The following GALNT13 variants were observed in gnomAD, a reference collection of about 807,000 sequenced individuals.
GALNT13 encodes the protein UDP-GalNAc:polypeptide N-acetylgalactosaminyltransferase 13.
Under a neutral mutation model 64.2 loss-of-function variants are expected in GALNT13, and 28 were observed. The ratio of observed to expected loss-of-function variants is 0.44; its 90% CI spans 0.32 to 0.60. The LOEUF is 0.60. GALNT13 is among the 20% of genes least tolerant of loss of function. GALNT13 has a pLI of 0.05. For synonymous variants in GALNT13, 214 were observed against 224.6 expected (o/e 0.95, Z 0.42); for missense variants, 577 against 669.8 (o/e 0.86, Z 1.53).
chr2:153,476,016 A>G, the GALNT13 span, among the ~76,000 whole-genome samples: 6 of 152,308 alleles, frequency 3.9e-5, no homozygotes, highest in South Asian at 1.2e-3. Context: ...CCTATTGACT[A>G]TCTCTTGACC....
chr2:153,852,360 C>G, the GALNT13 span, among the ~76,000 whole-genome samples: 1 of 151,926 alleles, frequency 6.6e-6, no homozygotes, highest in African/African-American at 2.4e-5. Flanking sequence ...AGTGGATTAC[C>G]AAGTAAATGA....
the GALNT13 span, among the ~76,000 whole-genome samples, chr2:153,226,366 A>G: frequency 6.6e-6 from 1 of 152,246 alleles, no homozygotes; most frequent in Non-Finnish European, 1.5e-5. Flanking sequence ...TAGGTTATAC[A>G]TGGTGACTTC....
At chr2:154,219,136 T>C (rs1688196130) in intron 4 of GALNT13, among the ~76,000 whole-genome samples, 1 of 152,140 alleles carries the variant, frequency 6.6e-6, no homozygotes, top group Non-Finnish European at 1.5e-5. Context: ...CTTCCTAGCC[T>C]ATTTTAATAA....
intron 3 of GALNT13, among the ~76,000 whole-genome samples, chr2:154,004,312 C>T (rs10469753): frequency 0.2 from 31,032 of 151,882 alleles, 4,080 homozygotes; most frequent in Middle Eastern, 0.33. Flanking sequence ...TTCAAGCGAT[C>T]CTCCTGCCTA....
chr2:153,947,872 G>T (rs983986431), intron 3 of GALNT13, among the ~76,000 whole-genome samples: 3 of 152,020 alleles, frequency 2.0e-5, no homozygotes, highest in South Asian at 4.2e-4. Context: ...GTATAAGGAA[G>T]GGGTCCAGTT....
Position 154,385,079 on chromosome 2 carries a change from CAT to C in GALNT13, c.1157-10910_1157-10909del, listed in dbSNP as rs1201436148. ...TGGTAAGATATCATTGATTATAAAA[CAT>C]AGCACTATTTCAGAAAGGTTCAAAT... On this transcript the variant is annotated intron_variant, in intron 9 of 12. Coordinates refer to ENST00000392825, the MANE Select transcript of GALNT13 (RefSeq NM_052917.4). 5.9e-5 allele frequency among the ~76,000 whole-genome samples: 9 copies of C among 152,052 alleles called. No individual in the cohort carries two copies. In the South Asian group the frequency reaches 6.2e-4, roughly 11 times the overall value.
At chr2:154,345,243 A>G (rs1389363390) in intron 9 of GALNT13, among the ~76,000 whole-genome samples, 1 of 152,030 alleles carries the variant, frequency 6.6e-6, no homozygotes, top group Non-Finnish European at 1.5e-5. Context: ...TGGAAAGTTC[A>G]TAATAATCCT....
chr2:154,350,709 A>G (rs1034672398), intron 9 of GALNT13, among the ~76,000 whole-genome samples: 1 of 152,136 alleles, frequency 6.6e-6, no homozygotes. Flanking sequence ...CTATGTGCAA[A>G]TGAATATGCT....
intron 3 of GALNT13, among the ~76,000 whole-genome samples, chr2:154,021,073 T>A (rs950789186): frequency 4.6e-5 from 7 of 152,198 alleles, no homozygotes; most frequent in African/African-American, 1.7e-4. Context: ...TCTGTTTTCG[T>A]ACCAGTACCA....
At chr2:153,669,945 G>A in the GALNT13 span, among the ~76,000 whole-genome samples, 1 of 145,580 alleles carries the variant, frequency 6.9e-6, no homozygotes, top group Non-Finnish European at 1.5e-5. Flanking sequence ...CATCAACCTG[G>A]GACACTGGAA....
chr2:153,686,513 T>A, the GALNT13 span, among the ~76,000 whole-genome samples: 1 of 152,068 alleles, frequency 6.6e-6, no homozygotes, highest in Non-Finnish European at 1.5e-5. Context: ...TTTGCTGAAG[T>A]TGTTTATCAG....
At chr2:154,131,696 C>G (rs1357201869) in intron 3 of GALNT13, among the ~76,000 whole-genome samples, 2 of 152,158 alleles carry the variant, frequency 1.3e-5, no homozygotes, top group Non-Finnish European at 2.9e-5. Context: ...TTTAGAAGGA[C>G]AGCGTTAATA....
At chr2:154,218,883 A>G (rs2105817553) in intron 4 of GALNT13, among the ~76,000 whole-genome samples, 1 of 152,148 alleles carries the variant, frequency 6.6e-6, no homozygotes. Flanking sequence ...CTTCAAAGTC[A>G]AACATTTTAT....
chr2:153,446,765 A>C, the GALNT13 span: 1 of 152,188 alleles, frequency 6.6e-6, no homozygotes, highest in Non-Finnish European at 1.5e-5. Flanking sequence ...TCATGGAATC[A>C]ATCTAGTGGA....
chr2:153,223,452 C>A, the GALNT13 span, among the ~76,000 whole-genome samples: 2 of 152,234 alleles, frequency 1.3e-5, no homozygotes, highest in East Asian at 1.9e-4. Flanking sequence ...ATATACCATA[C>A]AATTTTGAAT....
At chr2:154,395,618 TAAC>T (rs907363605) in intron 9 of GALNT13, among the ~76,000 whole-genome samples, 3 of 152,116 alleles carry the variant, frequency 2.0e-5, no homozygotes, top group Admixed American at 1.3e-4. Flanking sequence ...GTGTGAATAT[TAAC>T]AAAAACATTG....
intron 11 of GALNT13, chr2:154,437,953 T>C (rs142086816): frequency 5.0e-6 from 1 of 199,728 alleles, no homozygotes; most frequent in Non-Finnish European, 1.0e-5. Flanking sequence ...TATAGTTCAA[T>C]TGAATTATCT....
chr2:153,395,249 G>C, the GALNT13 span, among the ~76,000 whole-genome samples: 3 of 152,106 alleles, frequency 2.0e-5, no homozygotes, highest in Admixed American at 6.6e-5. Flanking sequence ...GGTTAAATTG[G>C]CAATCAAAGG....
chr2:154,010,931 G>C (rs1558906040), intron 3 of GALNT13, among the ~76,000 whole-genome samples: 1 of 151,474 alleles, frequency 6.6e-6, no homozygotes, highest in Non-Finnish European at 1.5e-5. Context: ...GTATTTCTAT[G>C]GGGTCAGTGA....
Sources: allele counts gnomAD v4.1 joint callset (sites outside exome capture counted in the v4.1 genomes callset), GRCh38; gene constraint gnomAD v4.1.1; transcripts MANE v1.5; gene names NCBI Gene and HGNC (gene_info 2026-07-23, HGNC 2026-07-21).